The following PCDHGB3 variants were observed in gnomAD, a reference collection of about 807,000 sequenced individuals.
PCDHGB3 encodes the protein protocadherin gamma-B3.
PCDHGB3 carries 40 observed loss-of-function variants against 59.2 expected under a neutral mutation model. That is an observed-to-expected ratio of 0.68 (90% CI 0.52 to 0.88). The LOEUF (loss-of-function observed/expected upper bound fraction) is 0.88, where lower values mean the gene tolerates loss of function less well. Among genes scored for constraint, PCDHGB3 ranks in the 40% least tolerant of loss-of-function variants. The pLI is 0.00. For synonymous variants in PCDHGB3, 581 were observed against 503.6 expected, an observed-to-expected ratio of 1.15 and a Z score of -2.06; for missense variants, 1,309 against 1,187.9, an observed-to-expected ratio of 1.10 and a Z score of -1.50.
intron 1 of PCDHGB3, among the ~76,000 whole-genome samples, chr5:141,458,275 G>A (rs975142859): frequency 2.6e-5 from 4 of 152,142 alleles, no homozygotes; most frequent in Non-Finnish European, 5.9e-5. Flanking sequence ...GAACAACAGG[G>A]TTCCTGGTCC....
chr5:141,419,140 G>C, intron 1 of PCDHGB3: 1 of 1,613,868 alleles, frequency 6.2e-7, no homozygotes, highest in Non-Finnish European at 8.5e-7. Flanking sequence ...CCACAGACAG[G>C]GGCAAGCCTC....
At chr5:141,378,150 T>C (rs915126320) in intron 1 of PCDHGB3, 8 of 152,250 alleles carry the variant, frequency 5.3e-5, no homozygotes, top group African/African-American at 1.7e-4. Flanking sequence ...ATTATAATTA[T>C]TGGGTTGTTA....
intron 1 of PCDHGB3, among the ~76,000 whole-genome samples, chr5:141,453,217 G>A (rs770914741): frequency 1.2e-4 from 19 of 152,100 alleles, no homozygotes; most frequent in Admixed American, 1.0e-3. Context: ...GCACTTAAGC[G>A]ATCCTCCCAC....
At chr5:141,374,701 C>T (rs781441820) in intron 1 of PCDHGB3, 2 of 1,608,962 alleles carry the variant, frequency 1.2e-6, no homozygotes, top group East Asian at 2.2e-5. Context: ...AAGGAGAAGC[C>T]GTTTACCGCC....
intron 1 of PCDHGB3, chr5:141,394,137 G>A (rs1406338034): frequency 6.2e-6 from 10 of 1,613,902 alleles, no homozygotes; most frequent in East Asian, 2.2e-5. Context: ...CGCTCTGCAC[G>A]TGGCAGACAT....
intron 1 of PCDHGB3, chr5:141,398,897 C>G (rs761364649): frequency 2.1e-5 from 34 of 1,613,932 alleles, no homozygotes; most frequent in Non-Finnish European, 2.8e-5. Context: ...AACGTGCCAC[C>G]AGGCACCACT....
intron 1 of PCDHGB3, chr5:141,403,951 G>C: frequency 6.2e-7 from 1 of 1,613,882 alleles, no homozygotes. Flanking sequence ...GGACAAAAGT[G>C]CTCATTTCGG....
chr5:141,447,481 A>G lies in PCDHGB3; in HGVS notation c.2416-47326A>G, dbSNP rs141192758. 3.9e-3 allele frequency among the ~76,000 whole-genome samples: 591 copies of G among 152,326 alleles called. 6 individuals carry two copies. The highest frequency in any genetic ancestry group is 0.011 in the Admixed American group (170 of 15,286). ...TTTTCTTCACCATCTGTAAAACTGC[A>G]TAGAAGGAATGTTTAGGATAAAAGA... On this transcript the variant is annotated intron_variant, in intron 1 of 3. Transcript: ENST00000576222.
intron 1 of PCDHGB3, chr5:141,418,595 G>GT (rs2096273873): frequency 6.2e-7 from 1 of 1,613,928 alleles, no homozygotes; most frequent in African/African-American, 1.3e-5. Context: ...CAGCCAGGAC[G>GT]TGTACAGGGT....
intron 1 of PCDHGB3, chr5:141,403,361 A>T (rs760277157): frequency 3.1e-6 from 5 of 1,614,050 alleles, no homozygotes; most frequent in Middle Eastern, 1.6e-4. Context: ...CCAGGCCGAA[A>T]GTCTGGAAGT....
rs2099745754 is a variant in PCDHGB3 at position 141,493,023 on chromosome 5, T to A, written c.2416-1784T>A. Among the ~76,000 whole-genome samples the A allele has an allele frequency of 6.6e-6, 1 of 152,190 alleles. No individual in the cohort carries two copies. The highest frequency in any genetic ancestry group is 2.4e-5 in the African/African-American group (1 of 41,450). On this transcript the variant is annotated intron_variant, in intron 1 of 3. Coordinates refer to ENST00000576222, the MANE Select transcript of PCDHGB3 (RefSeq NM_018924.5). The surrounding 1 kb of genome is among the most constrained non-coding windows in gnomAD (Gnocchi z 4.3). ...CTATAGGCTCTGCCAGATGCCAGGGTGCCCTTATGTGTGAGGAAACTACAA... is the reference window on the plus strand; with the variant it reads ...CTATAGGCTCTGCCAGATGCCAGGGAGCCCTTATGTGTGAGGAAACTACAA...
At chr5:141,425,021 CT>C (rs1561817318) in intron 1 of PCDHGB3, among the ~76,000 whole-genome samples, 1 of 152,054 alleles carries the variant, frequency 6.6e-6, no homozygotes, top group Non-Finnish European at 1.5e-5. Context: ...AGGAATTTAC[CT>C]TATGTCATTA....
Position 141,490,800 on chromosome 5 carries a change from TACCTTTG to T in PCDHGB3, c.2416-4004_2416-3998del, listed in dbSNP as rs763340907. Reference sequence around the variant, plus strand: ...AGGATGGACGGATCTTTGCCCAGCGTACCTTTGACTATGAATTGCTGCAGATGCTGCA... The same window carrying T: ...AGGATGGACGGATCTTTGCCCAGCGTACTATGAATTGCTGCAGATGCTGCA... On this transcript the variant is annotated intron_variant, in intron 1 of 3. Transcript: ENST00000576222. The surrounding 1 kb of genome is among the most constrained non-coding windows in gnomAD (Gnocchi z 5.4). 2.5e-6 allele frequency: 4 copies of T among 1,613,968 alleles called. No homozygotes were observed. The highest frequency in any genetic ancestry group is 1.7e-6 in the Non-Finnish European group (2 of 1,179,894).
At chr5:141,403,688 A>G (rs1385402830) in intron 1 of PCDHGB3, 1 of 1,613,836 alleles carries the variant, frequency 6.2e-7, no homozygotes, top group Non-Finnish European at 8.5e-7. Flanking sequence ...TGCTCAACGG[A>G]TTTACCGAGT....
chr5:141,392,757 AAT>A, intron 1 of PCDHGB3: 1 of 1,471,072 alleles, frequency 6.8e-7, no homozygotes, highest in African/African-American at 1.4e-5. Flanking sequence ...CAAGAAACTA[AAT>A]AAGACCCATT....
chr5:141,456,042 C>T (rs1437027249), intron 1 of PCDHGB3, among the ~76,000 whole-genome samples: 3 of 151,886 alleles, frequency 2.0e-5, no homozygotes, highest in Non-Finnish European at 2.9e-5. Flanking sequence ...GGACTACAGG[C>T]GCCCACCACC....
chr5:141,397,985 C>A (rs1034752721), intron 1 of PCDHGB3: 3 of 1,315,640 alleles, frequency 2.3e-6, no homozygotes, highest in Non-Finnish European at 2.1e-6. Context: ...GGCCTTTACA[C>A]CGCTTCCTCC....
rs2154586601 is a variant in PCDHGB3, at chr5:141,491,555, A to G, written c.2416-3252A>G. The G allele has an allele frequency of 6.2e-7, 1 of 1,613,986 alleles. No homozygotes were observed. The highest frequency in any genetic ancestry group is 2.2e-5 in the East Asian group (1 of 44,862). ...CTGCGGCCCACAGACTCGCAGAGCC[A>G]CTGCTACAGGACGTGCTTTTCACCG... On this transcript the variant is annotated intron_variant, in intron 1 of 3. Transcript: ENST00000576222. This position sits in a 1 kb window ranked among gnomAD's most constrained non-coding sequence, Gnocchi z 6.9.
chr5:141,386,119 G>T (rs2090470238), intron 1 of PCDHGB3: 1 of 152,186 alleles, frequency 6.6e-6, no homozygotes, highest in Non-Finnish European at 1.5e-5. Context: ...ATCAAAGTGG[G>T]AGATTGGGGA....
Sources: gnomAD v4.1 joint callset for allele counts (sites outside exome capture counted in the v4.1 genomes callset) on GRCh38, gnomAD v4.1.1 for gene constraint, Gnocchi (gnomAD v3.1) non-coding constraint, MANE v1.5 for transcripts, NCBI Gene and HGNC (gene_info 2026-07-23, HGNC 2026-07-21) for gene names.